SMAD1: variants seen among roughly 807,000 people sequenced by gnomAD.
SMAD1 encodes the protein MAD, mothers against decapentaplegic homolog 1.
A neutral mutation model predicts 41.6 loss-of-function variants in SMAD1; 6 were observed. That is an observed-to-expected ratio of 0.14 (90% CI 0.08 to 0.28). The LOEUF (loss-of-function observed/expected upper bound fraction) is 0.28, where lower values mean the gene tolerates loss of function less well. Among genes scored for constraint, SMAD1 ranks in the 10% least tolerant of loss-of-function variants. The pLI is 1.00. For missense variants in SMAD1, 379 were observed against 582.6 expected, an observed-to-expected ratio of 0.65 and a Z score of 3.60; for synonymous variants, 206 against 203.2, an observed-to-expected ratio of 1.01 and a Z score of -0.12.
At chr4:145,503,557 T>C (rs1729590799) in intron 1 of SMAD1, among the ~76,000 whole-genome samples, 1 of 152,218 alleles carries the variant, frequency 6.6e-6, no homozygotes, top group Non-Finnish European at 1.5e-5. Flanking sequence ...GAGACAAATG[T>C]TGAAAGTTGA....
chr4:145,532,053 C>G (rs1363986193), intron 2 of SMAD1, among the ~76,000 whole-genome samples: 1 of 152,194 alleles, frequency 6.6e-6, no homozygotes, highest in Non-Finnish European at 1.5e-5. Flanking sequence ...CTAGAGTTTA[C>G]AGGAATCCTT....
intron 3 of SMAD1, among the ~76,000 whole-genome samples, chr4:145,540,927 A>C (rs561549166): frequency 3.9e-5 from 6 of 152,342 alleles, no homozygotes; most frequent in Admixed American, 3.9e-4. Flanking sequence ...TCAAAAATTG[A>C]AAAGTGGTCC....
chr4:145,490,354 G>A (rs1439702385), intron 1 of SMAD1, among the ~76,000 whole-genome samples: 1 of 152,202 alleles, frequency 6.6e-6, no homozygotes, highest in Non-Finnish European at 1.5e-5. Context: ...ATTGTTGGAG[G>A]TAAGTCCTTT....
rs116733665 is a variant in SMAD1, at chr4:145,499,843, A to G, written c.-176-14595A>G. 8.2e-3 allele frequency among the ~76,000 whole-genome samples: 1,248 copies of G among 152,154 alleles called. 22 individuals are homozygous for G. Among genetic ancestry groups the G allele is most frequent in the African/African-American group, 0.029 (1,190 of 41,484 alleles). On this transcript the variant is annotated intron_variant, in intron 1 of 6. Transcript: ENST00000302085. ...AGGAATTATGGACATTTAGTCCATA[A>G]TTCTTGGACTACTTCTCCTCCAGTG...
chr4:145,499,627 A>C (rs1729309127), intron 1 of SMAD1, among the ~76,000 whole-genome samples: 1 of 152,198 alleles, frequency 6.6e-6, no homozygotes, highest in Non-Finnish European at 1.5e-5. Flanking sequence ...GAAAAAAAGA[A>C]AAATTTCAGC....
intron 2 of SMAD1, among the ~76,000 whole-genome samples, chr4:145,528,472 C>T (rs1187288267): frequency 6.6e-6 from 1 of 152,142 alleles, no homozygotes; most frequent in Non-Finnish European, 1.5e-5. Flanking sequence ...GAACTCCTGA[C>T]CTCAAGTGAT....
chr4:145,539,772 T>G, intron 2 of SMAD1, 32 bp from the exon 3 acceptor site: 15 of 1,604,672 alleles, frequency 9.3e-6, no homozygotes, highest in Non-Finnish European at 1.3e-5. Flanking sequence ...TTCTCATGTT[T>G]GTCCTTCTCT....
chr4:145,489,404 A>G (rs943166349), intron 1 of SMAD1, among the ~76,000 whole-genome samples: 10 of 152,326 alleles, frequency 6.6e-5, no homozygotes, highest in South Asian at 4.1e-4. Context: ...TAAGAAAGCT[A>G]TTGAGTTATG....
At chr4:145,525,021 T>C (rs1578790482) in intron 2 of SMAD1, among the ~76,000 whole-genome samples, 1 of 152,130 alleles carries the variant, frequency 6.6e-6, no homozygotes, top group African/African-American at 2.4e-5. Flanking sequence ...TTATATGTGG[T>C]TGAGTTTAGG....
intron 1 of SMAD1, chr4:145,502,854 G>A (rs1297789077): frequency 6.6e-6 from 1 of 152,116 alleles, no homozygotes; most frequent in Non-Finnish European, 1.5e-5. Flanking sequence ...TTTTCTTTTT[G>A]ATTCCTAAGA....
At chr4:145,537,014 T>G (rs1044891287) in intron 2 of SMAD1, among the ~76,000 whole-genome samples, 8 of 152,082 alleles carry the variant, frequency 5.3e-5, no homozygotes, top group African/African-American at 1.9e-4. Flanking sequence ...TAACTGCCTG[T>G]ATTCAAAAAT....
Position 145,489,311 on chromosome 4 carries a change from A to G in SMAD1, c.-177+7273A>G, listed in dbSNP as rs991817964. On this transcript the variant is annotated intron_variant, in intron 1 of 6. Transcript: ENST00000302085. ...AATTTTAGGGCCTTAGAGTGCCAGAATAAGGAAACATTGGGAAGTCACTGA... is the reference window on the plus strand; with the variant it reads ...AATTTTAGGGCCTTAGAGTGCCAGAGTAAGGAAACATTGGGAAGTCACTGA... 2.6e-5 allele frequency among the ~76,000 whole-genome samples: 4 copies of G among 152,156 alleles called. No individual in the cohort carries two copies. The East Asian group carries it at 7.7e-4, about 29-fold the overall frequency.
At chr4:145,541,758 A>G (rs1731952815) in intron 3 of SMAD1, among the ~76,000 whole-genome samples, 1 of 152,144 alleles carries the variant, frequency 6.6e-6, no homozygotes, top group African/African-American at 2.4e-5. Flanking sequence ...CCCTCAGGTA[A>G]AATTTTGTCT....
At chr4:145,540,170 A>G (rs1396845317) in intron 3 of SMAD1, 109 bp downstream of exon 3, 27 of 1,273,342 alleles carry the variant, frequency 2.1e-5, no homozygotes, top group Non-Finnish European at 2.8e-5. Flanking sequence ...CAGCCCTGGT[A>G]TATGACATAG....
upstream of SMAD1, chr4:145,481,318 C>G (rs6854034): frequency 0.13 from 20,136 of 151,952 alleles, 2,370 homozygotes; most frequent in African/African-American, 0.32. Context: ...ATTCTGGGTA[C>G]GTACAACTTC....
intron 2 of SMAD1, among the ~76,000 whole-genome samples, chr4:145,530,191 A>G (rs1046739190): frequency 3.9e-5 from 6 of 152,218 alleles, no homozygotes; most frequent in Non-Finnish European, 7.3e-5. Flanking sequence ...AGATGCTACA[A>G]TGAAAGTCTG....
At chr4:145,531,715 A>C (rs561718207) in intron 2 of SMAD1, among the ~76,000 whole-genome samples, 8 of 152,296 alleles carry the variant, frequency 5.3e-5, no homozygotes, top group African/African-American at 1.7e-4. Context: ...TACGGGAGTC[A>C]GGACTAGAAC....
intron 5 of SMAD1, among the ~76,000 whole-genome samples, chr4:145,550,217 A>C (rs1265444286): frequency 6.6e-6 from 1 of 152,196 alleles, no homozygotes; most frequent in Non-Finnish European, 1.5e-5. Flanking sequence ...AGTATATCAA[A>C]ATCCATTGAT....
intron 1 of SMAD1, among the ~76,000 whole-genome samples, chr4:145,512,941 C>G (rs937109067): frequency 2.0e-5 from 3 of 152,152 alleles, no homozygotes; most frequent in Non-Finnish European, 4.4e-5. Flanking sequence ...AAGACTGATC[C>G]GTTTCATTTT....
Sources: allele counts gnomAD v4.1 joint callset (sites outside exome capture counted in the v4.1 genomes callset), GRCh38; gene constraint gnomAD v4.1.1; transcripts MANE v1.5; gene names NCBI Gene and HGNC (gene_info 2026-07-23, HGNC 2026-07-21).